The following DLG5 variants were observed in gnomAD, a reference collection of about 807,000 sequenced individuals.
DLG5 encodes the protein disks large homolog 5.
A neutral mutation model predicts 189.8 loss-of-function variants in DLG5; 48 were observed. That is an observed-to-expected ratio of 0.25 (90% CI 0.20 to 0.32). The LOEUF is 0.32. DLG5 is among the 10% of genes least tolerant of loss of function. The probability of loss-of-function intolerance (pLI) is 1.00; values close to 1 mark genes in which losing one functional copy is unlikely to be tolerated. For synonymous variants in DLG5, 1,016 were observed against 1,054.1 expected, an observed-to-expected ratio of 0.96 and a Z score of 0.70; for missense variants, 2,160 against 2,544.7, an observed-to-expected ratio of 0.85 and a Z score of 3.25.
intron 13 of DLG5, among the ~76,000 whole-genome samples, chr10:77,827,871 C>G (rs766726246): frequency 3.0e-4 from 45 of 152,096 alleles, no homozygotes; most frequent in Non-Finnish European, 4.1e-4. Flanking sequence ...AGAAATCTAT[C>G]TAGGTATATA....
In DLG5 at chr10:77,814,461, TTATATATATATATATA is replaced by T. The variant is rs59297524; in HGVS notation, c.4025+2074_4026-2085del. The stretch of plus-strand genomic sequence containing the variant: ...TATGTACATAAATAATAAAGCATGT[TTATATATATATATATA>T]TATATATATATATATATATATATAT... On this transcript the variant is annotated intron_variant, in intron 20 of 31. Coordinates refer to ENST00000372391, the MANE Select transcript of DLG5 (RefSeq NM_004747.4). Among the ~76,000 whole-genome samples the T allele has an allele frequency of 4.5e-3, 315 of 70,752 alleles. 5 individuals are homozygous for T. Among genetic ancestry groups the T allele is most frequent in the South Asian group, 0.011 (16 of 1,426 alleles). The allele number at this position is 70,752 out of a possible 152,430, so 46.4% of individuals were successfully genotyped here.
chr10:77,796,273 A>G lies in DLG5; in HGVS notation c.5309-85T>C. 5.6e-6 allele frequency: 9 copies of G among 1,605,204 alleles called. No homozygotes were observed. Among genetic ancestry groups the G allele is most frequent in the Non-Finnish European group, 6.8e-6 (8 of 1,174,356 alleles). On this transcript the variant is annotated intron_variant, in intron 28 of 31. Transcript: ENST00000372391. This position sits in a 1 kb window ranked among gnomAD's most constrained non-coding sequence, Gnocchi z 5.2. The stretch of plus-strand genomic sequence containing the variant: ...GAGCAGGGGAAGAACACTGCTCAGC[A>G]GCTGTCAGTAACCCAGTCCTGCCAT...
chr10:77,799,495 C>T (rs1402433134), intron 27 of DLG5, among the ~76,000 whole-genome samples: 1 of 152,248 alleles, frequency 6.6e-6, no homozygotes. Flanking sequence ...GGCAGGATGA[C>T]AGCCCTCACC....
chr10:77,836,098 T>C (rs1843121644), intron 7 of DLG5, among the ~76,000 whole-genome samples, 176 bp from the exon 8 acceptor site: 2 of 152,082 alleles, frequency 1.3e-5, no homozygotes, highest in South Asian at 4.1e-4. Context: ...GCCACGGTCC[T>C]ATTAACCAGC....
intron 14 of DLG5, among the ~76,000 whole-genome samples, chr10:77,822,917 C>T (rs1842440061): frequency 6.6e-6 from 1 of 152,100 alleles, no homozygotes; most frequent in Admixed American, 6.5e-5. Context: ...TTGCCAGGGG[C>T]TTGCATAAAT....
intron 7 of DLG5, among the ~76,000 whole-genome samples, chr10:77,841,165 C>A (rs1487890532): frequency 1.3e-5 from 2 of 152,152 alleles, no homozygotes; most frequent in Non-Finnish European, 2.9e-5. Context: ...CTCCATGGGC[C>A]CATCCAAGCC....
chr10:77,801,278 C>G (rs1841190547), intron 27 of DLG5, among the ~76,000 whole-genome samples: 1 of 151,956 alleles, frequency 6.6e-6, no homozygotes, highest in African/African-American at 2.4e-5. Context: ...TAAAAAAGAA[C>G]CAAGTGGAAA....
intron 11 of DLG5, among the ~76,000 whole-genome samples, 192 bp from the exon 12 acceptor site, chr10:77,829,722 C>A (rs1045634985): frequency 1.3e-5 from 2 of 152,234 alleles, no homozygotes; most frequent in African/African-American, 4.8e-5. Flanking sequence ...GGGTTCAAAT[C>A]CTGGCCCTAC....
intron 1 of DLG5, among the ~76,000 whole-genome samples, chr10:77,917,375 G>A (rs1008597940): frequency 2.2e-4 from 33 of 151,898 alleles, no homozygotes; most frequent in African/African-American, 7.7e-4. Flanking sequence ...AAGGAGCTGG[G>A]TGTGGTGGCA....
chr10:77,915,169 A>T (rs972785131), intron 1 of DLG5, among the ~76,000 whole-genome samples: 1 of 152,080 alleles, frequency 6.6e-6, no homozygotes, highest in African/African-American at 2.4e-5. Flanking sequence ...TCTACTAAAA[A>T]TACAAAAATT....
chr10:77,917,523 CAAA>C (rs35757354), intron 1 of DLG5, among the ~76,000 whole-genome samples: 2 of 114,014 alleles, frequency 1.8e-5, no homozygotes, highest in African/African-American at 5.9e-5. Context: ...ACTCCATCTC[CAAA>C]AAAAAAAAAA....
At chr10:77,794,422 C>A (rs1247031801) in intron 30 of DLG5, among the ~76,000 whole-genome samples, 1 of 152,212 alleles carries the variant, frequency 6.6e-6, no homozygotes, top group Non-Finnish European at 1.5e-5. Flanking sequence ...GAGCCCTTGG[C>A]CCAACCAGCA....
chr10:77,876,326 T>G (rs1013128318), intron 1 of DLG5, among the ~76,000 whole-genome samples: 1 of 150,736 alleles, frequency 6.6e-6, no homozygotes, highest in Non-Finnish European at 1.5e-5. Context: ...ATCACTTAGG[T>G]CAGGAGTTCA....
chr10:77,817,728 T>C, intron 18 of DLG5, 49 bp downstream of exon 18: 4 of 1,490,088 alleles, frequency 2.7e-6, no homozygotes, highest in South Asian at 2.4e-5. Flanking sequence ...CAGGCAGAGA[T>C]GAAAAGCTTG....
rs41274586 is a variant in DLG5 at position 77,821,218 on chromosome 10, G to A, written c.3266C>T (p.Pro1089Leu). 0.015 allele frequency: 24,327 copies of A among 1,614,134 alleles called. 218 individuals carry two copies. The highest frequency in any genetic ancestry group is 0.018 in the Non-Finnish European group (20,972 of 1,180,038). Residue 1089 changes from proline (P) to leucine (L), a missense_variant, in exon 15 of 32, where the codon CCG becomes CTG. Coordinates refer to ENST00000372391, the MANE Select transcript of DLG5 (RefSeq NM_004747.4). The stretch of plus-strand genomic sequence containing the variant: ...GTCCTCATCACAGGATTTCTTGGCC[G>A]GCAGGTGGGAGGAGTCCCCATCTCC... ...PEGDGDSSHL[P>L]AKKSCDEDLT... is the part of the protein sequence containing the mutation.
Position 77,820,000 on chromosome 10 carries a change from C to A in DLG5, c.3421G>T (p.Ala1141Ser). Residue 1141 changes from alanine to serine, a missense_variant, in exon 16 of 32, where the codon GCC becomes TCC. Physicochemically the swap from Ala to Ser is moderately conservative, Grantham distance 99. This residue lies in a region of DLG5 where 754 missense variants were observed against 746.5 expected (regional missense o/e 1.01). Transcript: ENST00000372391. ...AGCTCCGGGGAGAGTTCTCCACTGG[C>A]CGGGACACACTTCTGTTCCTGCAGA... ...QFLEEQKCVP[A>S]SGELSPELQE... is the part of the protein sequence containing the mutation. The A allele has an allele frequency of 1.2e-6, 2 of 1,613,324 alleles. No individual in the cohort carries two copies. The highest frequency in any genetic ancestry group is 1.7e-6 in the Non-Finnish European group (2 of 1,179,912).
chr10:77,837,801 C>A (rs911743408), intron 7 of DLG5, among the ~76,000 whole-genome samples: 3 of 152,206 alleles, frequency 2.0e-5, no homozygotes, highest in African/African-American at 7.2e-5. Flanking sequence ...TCTAAAAGCG[C>A]CACCTGCAGT....
In DLG5 at chr10:77,853,583, C is replaced by T. The variant is rs532927659; in HGVS notation, c.681-46G>A. 5.5e-6 allele frequency: 8 copies of T among 1,456,962 alleles called. No individual in the cohort carries two copies. In the South Asian group the frequency reaches 7.1e-5, roughly 13 times the overall value. The allele number at this position is 1,456,962 out of a possible 1,614,324, so 90.3% of individuals were successfully genotyped here. A position where few individuals can be genotyped will look rare whatever the true frequency, so the allele number is the denominator to read the frequency against. On this transcript the variant is annotated intron_variant, in intron 4 of 31. Transcript: ENST00000372391. ...TCAGTGAGCCCCAGCCAGCCCCTCA[C>T]ACCCCGCCCCACCCCAGGGCATCAC...
intron 6 of DLG5, 37 bp downstream of exon 6, chr10:77,843,409 AC>A (rs1438849195): frequency 6.2e-7 from 1 of 1,605,090 alleles, no homozygotes; most frequent in African/African-American, 1.3e-5. Flanking sequence ...ACCTTATAGG[AC>A]CCATTTGCCC....
Sources: allele counts gnomAD v4.1 joint callset (sites outside exome capture counted in the v4.1 genomes callset), GRCh38; gene constraint gnomAD v4.1.1; regional missense constraint gnomAD v4.1.1; non-coding constraint Gnocchi (gnomAD v3.1); transcripts MANE v1.5; gene names NCBI Gene and HGNC (gene_info 2026-07-23, HGNC 2026-07-21).